Variants in SLC6A11 observed in about 807,000 individuals in gnomAD.
SLC6A11 encodes solute carrier family 6 member 11.
SLC6A11 carries 25 observed loss-of-function variants against 74.8 expected under a neutral mutation model. The ratio of observed to expected loss-of-function variants is 0.33; its 90% CI spans 0.24 to 0.47. The LOEUF (loss-of-function observed/expected upper bound fraction) is 0.47. Among genes scored for constraint, SLC6A11 ranks in the 20% least tolerant of loss-of-function variants. SLC6A11 has a pLI of 1.00. For missense variants in SLC6A11, 574 were observed against 837.0 expected (o/e 0.69, Z 3.88); for synonymous variants, 330 against 330.2 (o/e 1.00, Z 0.01).
At chr3:10,859,850 C>G (rs1694682559) in intron 5 of SLC6A11, among the ~76,000 whole-genome samples, 1 of 152,202 alleles carries the variant, frequency 6.6e-6, no homozygotes, top group African/African-American at 2.4e-5. Flanking sequence ...TCCAATTAAT[C>G]TACTATCCAC....
intron 6 of SLC6A11, among the ~76,000 whole-genome samples, chr3:10,886,615 T>G (rs559120370): frequency 6.6e-6 from 1 of 152,296 alleles, no homozygotes; most frequent in South Asian, 2.1e-4. Context: ...CGGACCAGCC[T>G]GACCAATATG....
chr3:10,847,684 G>T (rs140340440), intron 5 of SLC6A11, among the ~76,000 whole-genome samples: 1 of 152,158 alleles, frequency 6.6e-6, no homozygotes, highest in Non-Finnish European at 1.5e-5. Context: ...GAGGTTCTGT[G>T]GGGGCACATC....
In SLC6A11 at chr3:10,875,086, C is replaced by T. The variant is rs996788555; in HGVS notation, c.882C>T (p.Ser294=). The part of the protein sequence containing the change: ...FYLYPDLSRL[S]DPQVWVDAGT... ...TGTACCCTGACCTCTCCCGGCTCTC[C>T]GACCCCCAGGTAAGAGTCGCTTGCT... is the stretch of plus-strand genomic sequence containing the variant. Residue 294 remains serine (S), a synonymous_variant, in exon 6 of 14, where the codon TCC becomes TCT. Coordinates refer to ENST00000254488, the MANE Select transcript of SLC6A11 (RefSeq NM_014229.3). 8.7e-6 allele frequency: 14 copies of T among 1,607,768 alleles called. No homozygotes were observed. The highest frequency in any genetic ancestry group is 2.2e-5 in the East Asian group (1 of 44,688).
At chr3:10,842,023 G>A (rs990672295) in intron 4 of SLC6A11, among the ~76,000 whole-genome samples, 2 of 152,196 alleles carry the variant, frequency 1.3e-5, no homozygotes, top group African/African-American at 2.4e-5. Context: ...ATGGGCATTG[G>A]GGATGCTTTT....
rs747540325 is a variant in SLC6A11 at position 10,844,302 on chromosome 3, A to T, written c.712A>T (p.Ile238Phe). 1 of 1,614,064 alleles carries T rather than the reference A, an allele frequency of 6.2e-7. No individual in the cohort carries two copies. Among genetic ancestry groups the T allele is most frequent in the Non-Finnish European group, 8.5e-7 (1 of 1,180,046 alleles). The change falls in exon 5 of 14, where the codon ATC (isoleucine) becomes TTC (phenylalanine). Residue 238 changes from isoleucine to phenylalanine, a missense_variant. Coordinates refer to ENST00000254488, the MANE Select transcript of SLC6A11 (RefSeq NM_014229.3). ...CTTGTGTCTCTTGGCAGCCTGGACC[A>T]TCTGTTACTTCTGTATCTGGAAGGG... ...LALCLLAAWT[I>F]CYFCIWKGTK...
Position 10,819,695 on chromosome 3 carries a change from T to C in SLC6A11, c.392-17T>C. On this transcript the variant is annotated splice_polypyrimidine_tract_variant and intron_variant, in intron 2 of 13. Transcript: ENST00000254488. ...AAAAGATAGACTCAAATTCCTTCCT[T>C]TCTTTTGTCCTTTCAGGCATTGGCT... The C allele has an allele frequency of 1.2e-6, 2 of 1,612,610 alleles. No homozygotes were observed.
At chr3:10,865,578 G>T (rs1026620294) in intron 5 of SLC6A11, among the ~76,000 whole-genome samples, 3 of 150,904 alleles carry the variant, frequency 2.0e-5, no homozygotes, top group African/African-American at 4.8e-5. Flanking sequence ...CAGGAGAATC[G>T]CTTGAATCCA....
At chr3:10,857,229 A>G (rs1319368617) in intron 5 of SLC6A11, among the ~76,000 whole-genome samples, 1 of 152,126 alleles carries the variant, frequency 6.6e-6, no homozygotes, top group Non-Finnish European at 1.5e-5. Flanking sequence ...TTTCAGCATC[A>G]CTTTGAGCAA....
chr3:10,869,704 T>C (rs1694806887), intron 5 of SLC6A11, among the ~76,000 whole-genome samples: 1 of 152,214 alleles, frequency 6.6e-6, no homozygotes, highest in Non-Finnish European at 1.5e-5. Context: ...CCCAACCCTT[T>C]CATCATATCC....
chr3:10,877,366 G>A (rs555665736), intron 6 of SLC6A11, among the ~76,000 whole-genome samples: 1 of 152,284 alleles, frequency 6.6e-6, no homozygotes, highest in African/African-American at 2.4e-5. Context: ...GGCAGAATGT[G>A]GAGGAATCCA....
chr3:10,891,977 G>A (rs993954675), intron 6 of SLC6A11, among the ~76,000 whole-genome samples: 1 of 152,236 alleles, frequency 6.6e-6, no homozygotes, highest in South Asian at 2.1e-4. Context: ...CTACAGAGCA[G>A]CTCTTGTTAT....
intron 4 of SLC6A11, among the ~76,000 whole-genome samples, chr3:10,831,289 T>C (rs889855633): frequency 2.0e-5 from 3 of 152,218 alleles, no homozygotes; most frequent in Admixed American, 6.5e-5. Flanking sequence ...TCTGAAAGTT[T>C]ATTTTGCGAT....
At chr3:10,824,900 T>A (rs550767239) in intron 4 of SLC6A11, 1 of 152,358 alleles carries the variant, frequency 6.6e-6, no homozygotes, top group East Asian at 1.9e-4. Context: ...GAAATTAATC[T>A]AGGCCAGGCA....
chr3:10,859,966 G>A (rs1048470580), intron 5 of SLC6A11, among the ~76,000 whole-genome samples: 2 of 152,204 alleles, frequency 1.3e-5, no homozygotes, highest in African/African-American at 4.8e-5. Flanking sequence ...GACCTCAGGT[G>A]TGTTTTCTGG....
In SLC6A11 at chr3:10,939,779, TC is replaced by T. The variant is rs1193275625; in HGVS notation, c.*1378del. 2 of 152,228 alleles carry T rather than the reference TC, an allele frequency of 1.3e-5. No individual in the cohort carries two copies. The highest frequency in any genetic ancestry group is 3.9e-4 in the East Asian group (2 of 5,182). The allele number at this position is 152,228 out of a possible 1,614,324, so 9.4% of individuals were successfully genotyped here. A position where few individuals can be genotyped will look rare whatever the true frequency, so the allele number is the denominator to read the frequency against. On this transcript the variant is annotated 3_prime_UTR_variant, in exon 14 of 14. Transcript: ENST00000254488. ...AAGACCTGGGCATCCTGCTGGCTCC[TC>T]TCTCCGTGGGGCCTGGAGTCTGGTG... is the stretch of plus-strand genomic sequence containing the variant.
intron 5 of SLC6A11, among the ~76,000 whole-genome samples, chr3:10,847,975 T>C (rs370662795): frequency 2.6e-5 from 4 of 152,320 alleles, no homozygotes; most frequent in African/African-American, 9.6e-5. Flanking sequence ...CTCCCAGCTA[T>C]TGTCCAGCTG....
At chr3:10,879,219 T>C (rs1043751740) in intron 6 of SLC6A11, among the ~76,000 whole-genome samples, 1 of 152,178 alleles carries the variant, frequency 6.6e-6, no homozygotes, top group Non-Finnish European at 1.5e-5. Flanking sequence ...CTGTCAGCGA[T>C]GGCTAGGAAG....
intron 8 of SLC6A11, among the ~76,000 whole-genome samples, chr3:10,922,655 A>AT (rs1400775689): frequency 2.0e-5 from 3 of 152,146 alleles, no homozygotes; most frequent in Admixed American, 6.5e-5. Flanking sequence ...TGAATATATC[A>AT]TTTTTTTTAT....
chr3:10,829,025 C>T (rs1694256813), intron 4 of SLC6A11, among the ~76,000 whole-genome samples: 2 of 152,186 alleles, frequency 1.3e-5, no homozygotes, highest in Admixed American at 1.3e-4. Context: ...TCAGTGTCCA[C>T]ATCTGTAAAT....
Sources: gnomAD v4.1 joint callset for allele counts (sites outside exome capture counted in the v4.1 genomes callset) on GRCh38, gnomAD v4.1.1 for gene constraint, MANE v1.5 for transcripts, NCBI Gene and HGNC (gene_info 2026-07-23, HGNC 2026-07-21) for gene names.